ZNF469: variants seen among roughly 807,000 people sequenced by gnomAD.
ZNF469 encodes zinc finger protein 469.
A neutral mutation model predicts 1.0 loss-of-function variants in ZNF469; 1 was observed. The ratio of observed to expected loss-of-function variants is 1.00; its 90% CI spans 0.35 to 4.73. ZNF469 has a LOEUF of 4.73. ZNF469 is among the 30% of genes most tolerant of loss of function. ZNF469 has a pLI of 0.16. For synonymous variants in ZNF469, 2,703 were observed against 2,363.4 expected (o/e 1.14, Z -4.17); for missense variants, 6,100 against 5,356.3 (o/e 1.14, Z -4.33).
chr16:88,253,075 A>G, the ZNF469 span, among the ~76,000 whole-genome samples: 33 of 152,218 alleles, frequency 2.2e-4, no homozygotes, highest in Non-Finnish European at 4.3e-4. Flanking sequence ...CATGGGATGA[A>G]TGAATTATCA....
the ZNF469 span, among the ~76,000 whole-genome samples, chr16:88,200,181 G>A: frequency 5.9e-5 from 9 of 152,304 alleles, no homozygotes; most frequent in East Asian, 1.2e-3. Flanking sequence ...ACCAAACCCC[G>A]GCAGGCTTCA....
the ZNF469 span, among the ~76,000 whole-genome samples, chr16:88,246,226 G>A: frequency 1.3e-5 from 2 of 152,236 alleles, no homozygotes; most frequent in African/African-American, 4.8e-5. Context: ...TAAAGTCTGT[G>A]TTCATTCACT....
the ZNF469 span, among the ~76,000 whole-genome samples, chr16:88,235,191 C>T: frequency 3.3e-5 from 5 of 152,198 alleles, no homozygotes; most frequent in East Asian, 9.6e-4. Flanking sequence ...TGGAGAGGGT[C>T]CTGACTGGCA....
chr16:88,431,668 C>G lies in ZNF469; in HGVS notation c.4198C>G (p.Pro1400Ala), dbSNP rs145158875. The change falls in exon 3 of 3, where the codon CCC (proline) becomes GCC (alanine). Residue 1400 changes from proline (P) to alanine (A), a missense_variant. Physicochemically the swap from Pro to Ala is conservative, Grantham distance 27. Transcript: ENST00000565624. Reference sequence around the variant, plus strand: ...TGGCTGTTTCCTGGAAGAACTGCACCCCAAGCCCTCAGCCAGGGATGCCCC... The same window carrying G: ...TGGCTGTTTCCTGGAAGAACTGCACGCCAAGCCCTCAGCCAGGGATGCCCC... Reference protein sequence around the residue: ...LAGCFLEELHPKPSARDAPPA... With the variant: ...LAGCFLEELHAKPSARDAPPA... The G allele has an allele frequency of 6.4e-7, 1 of 1,550,454 alleles. No individual in the cohort carries two copies. The highest frequency in any genetic ancestry group is 1.4e-5 in the African/African-American group (1 of 73,178).
At chr16:88,421,791 A>G (rs1378452950) in intron 1 of ZNF469, among the ~76,000 whole-genome samples, 3 of 152,296 alleles carry the variant, frequency 2.0e-5, no homozygotes, top group East Asian at 1.9e-4. Flanking sequence ...GGCTGTGTCA[A>G]TTGTGTGACC....
At chr16:88,283,177 G>A in the ZNF469 span, among the ~76,000 whole-genome samples, 4 of 152,034 alleles carry the variant, frequency 2.6e-5, no homozygotes, top group Admixed American at 6.6e-5. Flanking sequence ...AGGGGACTGG[G>A]AAGGAACGTT....
rs772088854 is a variant in ZNF469, at chr16:88,430,540, A to G, written c.3070A>G (p.Ser1024Gly). Residue 1024 changes from serine (S) to glycine (G), a missense_variant, in exon 3 of 3, where the codon AGC becomes GGC. Ser to Gly is a moderately conservative substitution (Grantham distance 56). Coordinates refer to ENST00000565624, the MANE Select transcript of ZNF469 (RefSeq NM_001367624.2). The part of the protein sequence containing the change: ...RAAALPEETR[S>G]SRRRRLPPRK... Reference sequence around the variant, plus strand: ...CGCCGCCCTCCCCGAGGAGACCCGCAGCTCCCGGCGCCGCCGGCTGCCCCC... The same window carrying G: ...CGCCGCCCTCCCCGAGGAGACCCGCGGCTCCCGGCGCCGCCGGCTGCCCCC... The G allele has an allele frequency of 6.8e-7, 1 of 1,464,546 alleles. No individual in the cohort carries two copies. Among genetic ancestry groups the G allele is most frequent in the Non-Finnish European group, 9.0e-7 (1 of 1,115,620 alleles). The allele number at this position is 1,464,546 out of a possible 1,614,324, so 90.7% of individuals were successfully genotyped here. A position where few individuals can be genotyped will look rare whatever the true frequency, so the allele number is the denominator to read the frequency against.
intron 1 of ZNF469, among the ~76,000 whole-genome samples, chr16:88,416,764 C>T (rs183848737): frequency 1.2e-3 from 186 of 152,308 alleles, no homozygotes; most frequent in Non-Finnish European, 2.2e-3. Flanking sequence ...CGCAGGACCA[C>T]GCACCCTTCG....
At chr16:88,395,946 A>T (rs1022330044) in intron 1 of ZNF469, among the ~76,000 whole-genome samples, 1 of 152,230 alleles carries the variant, frequency 6.6e-6, no homozygotes, top group Admixed American at 6.5e-5. Context: ...CCCCAGGTGA[A>T]CTCTGGAGTC....
the ZNF469 span, among the ~76,000 whole-genome samples, chr16:88,327,291 C>G: frequency 5.9e-5 from 9 of 152,282 alleles, no homozygotes; most frequent in Admixed American, 1.3e-4. Flanking sequence ...TCCACTCAGC[C>G]TCACGCCAGC....
intron 1 of ZNF469, among the ~76,000 whole-genome samples, chr16:88,400,898 T>C (rs7204552): frequency 0.39 from 58,209 of 150,742 alleles, 13,044 homozygotes; most frequent in African/African-American, 0.63. Context: ...GGCCAGGGGG[T>C]GGCGGGGGCA....
chr16:88,191,283 C>G, the ZNF469 span, among the ~76,000 whole-genome samples: 3 of 152,120 alleles, frequency 2.0e-5, no homozygotes, highest in Non-Finnish European at 2.9e-5. Context: ...GTGAAGGGCA[C>G]CCGAGGTTCC....
chr16:88,409,223 G>A (rs900175743), intron 1 of ZNF469, among the ~76,000 whole-genome samples: 2 of 152,246 alleles, frequency 1.3e-5, no homozygotes, highest in Admixed American at 6.5e-5. Context: ...CTGACCTCAC[G>A]GTGACTCAGT....
chr16:88,152,237 C>T, the ZNF469 span, among the ~76,000 whole-genome samples: 6 of 152,246 alleles, frequency 3.9e-5, no homozygotes, highest in Non-Finnish European at 7.3e-5. The surrounding 1 kb of genome is among the most constrained non-coding windows in gnomAD (Gnocchi z 4.2). Context: ...GATTCTGCAC[C>T]GGGCCCCACC....
the ZNF469 span, among the ~76,000 whole-genome samples, chr16:88,210,858 C>T: frequency 6.6e-6 from 1 of 152,228 alleles, no homozygotes; most frequent in Admixed American, 6.5e-5. Context: ...GCTGGGCCTC[C>T]TCCTCCACCC....
the ZNF469 span, among the ~76,000 whole-genome samples, chr16:88,279,169 TATCAGTGCAC>T: frequency 1.9e-4 from 25 of 133,384 alleles, no homozygotes; most frequent in East Asian, 1.1e-3. Flanking sequence ...ACCGTGTAGA[TATCAGTGCAC>T]GGTTAGTGCT....
the ZNF469 span, among the ~76,000 whole-genome samples, chr16:88,124,916 G>C: frequency 2.1e-4 from 32 of 152,340 alleles, no homozygotes; most frequent in African/African-American, 7.7e-4. Flanking sequence ...TAATTTATCA[G>C]TCTTTTTAAA....
chr16:88,200,827 C>G, the ZNF469 span, among the ~76,000 whole-genome samples: 2 of 152,272 alleles, frequency 1.3e-5, no homozygotes, highest in African/African-American at 4.8e-5. Context: ...CACAGCTCCT[C>G]TGTTGTCCTC....
the ZNF469 span, among the ~76,000 whole-genome samples, chr16:88,164,453 A>T: frequency 6.6e-6 from 1 of 151,304 alleles, no homozygotes; most frequent in Admixed American, 6.6e-5. Context: ...GGATGCACGG[A>T]TGGATGGATA....
Sources: gnomAD v4.1 joint callset for allele counts (sites outside exome capture counted in the v4.1 genomes callset) on GRCh38, gnomAD v4.1.1 for gene constraint, Gnocchi (gnomAD v3.1) non-coding constraint, MANE v1.5 for transcripts, NCBI Gene and HGNC (gene_info 2026-07-23, HGNC 2026-07-21) for gene names.